Variants in ADAM12 observed in about 807,000 individuals in gnomAD.
ADAM12 encodes the protein ADAM metallopeptidase domain 12, also known as disintegrin and metalloproteinase domain-containing protein 12.
In ADAM12, 70 loss-of-function variants were observed where a neutral mutation model predicts 106.4. That is an observed-to-expected ratio of 0.66 (90% CI 0.54 to 0.80). ADAM12 has a LOEUF of 0.80. Ranked by LOEUF, ADAM12 falls within the 30% of genes least tolerant of loss-of-function variation. The pLI is 0.00. For missense variants in ADAM12, 1,010 were observed against 1,171.9 expected, an observed-to-expected ratio of 0.86 and a Z score of 2.02; for synonymous variants, 420 against 433.5, an observed-to-expected ratio of 0.97 and a Z score of 0.39.
intron 14 of ADAM12, among the ~76,000 whole-genome samples, chr10:126,059,819 C>A (rs1954713988): frequency 6.6e-6 from 1 of 152,192 alleles, no homozygotes; most frequent in Non-Finnish European, 1.5e-5. Context: ...TTTTCAGTAA[C>A]CATGCTGGTG....
intron 3 of ADAM12, among the ~76,000 whole-genome samples, chr10:126,264,535 C>T (rs1344830553): frequency 6.6e-6 from 1 of 152,118 alleles, no homozygotes; most frequent in Non-Finnish European, 1.5e-5. Context: ...CAGTGAAATC[C>T]ACCAGCATAC....
At chr10:126,042,526 T>G (rs1414600984) in intron 18 of ADAM12, among the ~76,000 whole-genome samples, 3 of 152,188 alleles carry the variant, frequency 2.0e-5, no homozygotes, top group Non-Finnish European at 4.4e-5. Flanking sequence ...AAGGAGGGGA[T>G]GACATCATGG....
chr10:126,137,533 A>T (rs10751541), intron 4 of ADAM12, among the ~76,000 whole-genome samples: 3 of 152,012 alleles, frequency 2.0e-5, no homozygotes, highest in African/African-American at 7.3e-5. Context: ...ATTCATTAGC[A>T]GTCACTTTCC....
At chr10:126,017,819 C>G (rs1449915977) in intron 22 of ADAM12, among the ~76,000 whole-genome samples, 1 of 152,144 alleles carries the variant, frequency 6.6e-6, no homozygotes, top group Non-Finnish European at 1.5e-5. Context: ...AAGGTGGGCA[C>G]CCAGTATCCC....
intron 2 of ADAM12, among the ~76,000 whole-genome samples, chr10:126,328,248 G>T (rs181695371): frequency 6.6e-6 from 1 of 152,332 alleles, no homozygotes; most frequent in East Asian, 1.9e-4. Context: ...GCACATAATA[G>T]GTGCTTAGTT....
intron 3 of ADAM12, among the ~76,000 whole-genome samples, chr10:126,278,495 T>C (rs1177441184): frequency 6.6e-6 from 1 of 152,192 alleles, no homozygotes; most frequent in Non-Finnish European, 1.5e-5. Flanking sequence ...AGATAAGCTT[T>C]GAAAGATAAA....
intron 11 of ADAM12, among the ~76,000 whole-genome samples, chr10:126,080,686 C>A (rs1413371377): frequency 6.6e-6 from 1 of 150,526 alleles, no homozygotes; most frequent in Non-Finnish European, 1.5e-5. Context: ...GCAAGTTTAC[C>A]ATGTTGAATG....
At chr10:126,305,070 T>A (rs2133805972) in intron 2 of ADAM12, among the ~76,000 whole-genome samples, 1 of 152,134 alleles carries the variant, frequency 6.6e-6, no homozygotes. Flanking sequence ...ATTTGGCAAT[T>A]TCTTAGAAAG....
At chr10:126,106,363 T>G (rs1010256401) in intron 8 of ADAM12, among the ~76,000 whole-genome samples, 1 of 152,120 alleles carries the variant, frequency 6.6e-6, no homozygotes, top group Non-Finnish European at 1.5e-5. Flanking sequence ...ACACAGTAAC[T>G]GGTAAAAATA....
intron 5 of ADAM12, among the ~76,000 whole-genome samples, chr10:126,127,179 G>A (rs929803182): frequency 6.6e-6 from 1 of 152,160 alleles, no homozygotes; most frequent in Non-Finnish European, 1.5e-5. Context: ...CTCCATGGGA[G>A]GAAGCAGAAG....
chr10:126,188,336 C>G (rs1957436567), intron 3 of ADAM12, among the ~76,000 whole-genome samples: 1 of 152,190 alleles, frequency 6.6e-6, no homozygotes. Flanking sequence ...ATTCTTTGGC[C>G]ACATCACTGT....
At chr10:126,352,246 G>T (rs1855389186) in intron 1 of ADAM12, among the ~76,000 whole-genome samples, 1 of 152,174 alleles carries the variant, frequency 6.6e-6, no homozygotes, top group African/African-American at 2.4e-5. Context: ...AACAGGTCTT[G>T]GGCTCAGGGA....
intron 5 of ADAM12, among the ~76,000 whole-genome samples, chr10:126,125,072 A>G (rs1159916632): frequency 6.6e-6 from 1 of 151,960 alleles, no homozygotes; most frequent in African/African-American, 2.4e-5. Context: ...AAAGCATGCA[A>G]TCCAATGGTT....
Position 126,266,888 on chromosome 10 carries a change from G to A in ADAM12, c.260+12027C>T, listed in dbSNP as rs554240737. Reference sequence around the variant, plus strand: ...CACTAGGGGGATGCCGCTAAACCACGCAGAAGAAACCTCTTCCATGATCCA... The same window carrying A: ...CACTAGGGGGATGCCGCTAAACCACACAGAAGAAACCTCTTCCATGATCCA... On this transcript the variant is annotated intron_variant, in intron 3 of 22. Transcript: ENST00000448723. Among the ~76,000 whole-genome samples, 13 of 152,166 alleles carry A rather than the reference G, an allele frequency of 8.5e-5. 1 individual carries two copies. In the East Asian group the frequency reaches 9.7e-4, roughly 11 times the overall value.
intron 21 of ADAM12, among the ~76,000 whole-genome samples, chr10:126,025,661 AC>A (rs1590300036): frequency 6.6e-6 from 1 of 152,138 alleles, no homozygotes; most frequent in East Asian, 1.9e-4. Context: ...AAAATGACCC[AC>A]AAAAATCTCA....
intron 3 of ADAM12, among the ~76,000 whole-genome samples, chr10:126,213,228 T>C (rs756764116): frequency 3.3e-5 from 5 of 152,232 alleles, no homozygotes; most frequent in Non-Finnish European, 5.9e-5. Flanking sequence ...AAAAGCATCA[T>C]AAACCAGAAT....
At chr10:126,382,258 C>T in intron 1 of ADAM12, among the ~76,000 whole-genome samples, 1 of 152,128 alleles carries the variant, frequency 6.6e-6, no homozygotes, top group East Asian at 1.9e-4. Context: ...CCCTAGATCC[C>T]CTGCAAAGCC....
Position 126,013,132 on chromosome 10 carries a change from T to G in ADAM12, c.*4147A>C, listed in dbSNP as rs1285741817. 1 of 152,226 alleles carries G rather than the reference T, an allele frequency of 6.6e-6. No individual in the cohort carries two copies. The highest frequency in any genetic ancestry group is 1.5e-5 in the Non-Finnish European group (1 of 68,044). The allele number at this position is 152,226 out of a possible 1,614,324, so 9.4% of individuals were successfully genotyped here. ...TATTTTAACAATTTTATAGTTATTC[T>G]TAATTTTTCTCATATGAAACTGTAA... On this transcript the variant is annotated 3_prime_UTR_variant, in exon 23 of 23. Coordinates refer to ENST00000448723, the MANE Select transcript of ADAM12 (RefSeq NM_001288973.2). The surrounding 1 kb of genome is among the most constrained non-coding windows in gnomAD (Gnocchi z 4.3).
chr10:126,113,064 T>C (rs961084103), intron 6 of ADAM12, among the ~76,000 whole-genome samples: 2 of 152,028 alleles, frequency 1.3e-5, no homozygotes, highest in African/African-American at 4.8e-5. Flanking sequence ...GTTCTGCAGG[T>C]AGGATGAAGC....
Sources: gnomAD v4.1 joint callset for allele counts (sites outside exome capture counted in the v4.1 genomes callset) on GRCh38, gnomAD v4.1.1 for gene constraint, Gnocchi (gnomAD v3.1) non-coding constraint, MANE v1.5 for transcripts, NCBI Gene and HGNC (gene_info 2026-07-23, HGNC 2026-07-21) for gene names.